BRD7: variants seen among roughly 807,000 people sequenced by gnomAD.
BRD7 encodes bromodomain containing 7.
In BRD7, 15 loss-of-function variants were observed where a neutral mutation model predicts 82.1. The observed-to-expected ratio is 0.18, with a 90% confidence interval of 0.12 to 0.28. The LOEUF is 0.28. Among genes scored for constraint, BRD7 ranks in the 10% least tolerant of loss-of-function variants. BRD7 has a pLI of 1.00. For missense variants in BRD7, 638 were observed against 779.9 expected (o/e 0.82, Z 2.17); for synonymous variants, 232 against 266.9 (o/e 0.87, Z 1.27).
At chr16:50,342,522 G>A (rs1008247672) in intron 5 of BRD7, among the ~76,000 whole-genome samples, 3 of 121,994 alleles carry the variant, frequency 2.5e-5, no homozygotes, top group East Asian at 2.8e-4. Flanking sequence ...CTGGGTTCAC[G>A]CCATTCTCCG....
intron 13 of BRD7, among the ~76,000 whole-genome samples, chr16:50,321,592 A>G (rs1257444655): frequency 6.9e-6 from 1 of 145,108 alleles, no homozygotes; most frequent in Admixed American, 7.1e-5. Flanking sequence ...AAAAAAAAAA[A>G]AAAGATGGAG....
intron 8 of BRD7, among the ~76,000 whole-genome samples, chr16:50,332,729 T>C (rs1234259429): frequency 6.6e-6 from 1 of 152,072 alleles, no homozygotes; most frequent in African/African-American, 2.4e-5. Context: ...AGAATCAACC[T>C]AGGTGCCCAC....
intron 12 of BRD7, among the ~76,000 whole-genome samples, chr16:50,322,780 TA>T (rs200735598): frequency 6.6e-6 from 1 of 152,196 alleles, no homozygotes; most frequent in South Asian, 2.1e-4. Flanking sequence ...GAGGATATGG[TA>T]AAAAAATATG....
intron 2 of BRD7, among the ~76,000 whole-genome samples, chr16:50,365,218 C>T (rs1039976137): frequency 6.6e-6 from 1 of 152,170 alleles, no homozygotes; most frequent in Non-Finnish European, 1.5e-5. Context: ...AGACCTTCAG[C>T]CCCTGCCCCA....
chr16:50,368,637 C>T, intron 1 of BRD7, 89 bp downstream of exon 1: 1 of 1,402,534 alleles, frequency 7.1e-7, no homozygotes, highest in East Asian at 3.0e-5. Flanking sequence ...GAAGGAAGGG[C>T]CCCGGGCCGC....
intron 5 of BRD7, among the ~76,000 whole-genome samples, chr16:50,345,964 A>G (rs558183605): frequency 7.2e-5 from 11 of 152,364 alleles, no homozygotes; most frequent in East Asian, 3.9e-4. Flanking sequence ...AACAGAATAT[A>G]CATTCTTCTC....
intron 2 of BRD7, among the ~76,000 whole-genome samples, chr16:50,357,085 T>C (rs933334504): frequency 6.6e-6 from 1 of 152,228 alleles, no homozygotes; most frequent in Non-Finnish European, 1.5e-5. Context: ...AAAATTCTTG[T>C]GGTTCGCAAG....
intron 5 of BRD7, among the ~76,000 whole-genome samples, chr16:50,344,664 T>C (rs772917783): frequency 3.9e-5 from 6 of 152,152 alleles, no homozygotes; most frequent in Non-Finnish European, 7.3e-5. Context: ...AGAAAGGGTA[T>C]CAATGATTGA....
intron 6 of BRD7, 76 bp from the exon 7 acceptor site, chr16:50,334,971 A>T (rs2037738230): frequency 7.3e-7 from 1 of 1,369,968 alleles, no homozygotes; most frequent in Non-Finnish European, 1.0e-6. Context: ...TCCCCACAGG[A>T]GTTTATACTT....
intron 2 of BRD7, among the ~76,000 whole-genome samples, chr16:50,355,895 T>C (rs1215344982): frequency 1.3e-5 from 2 of 152,170 alleles, no homozygotes; most frequent in Admixed American, 6.5e-5. Flanking sequence ...AATCTAACGA[T>C]AGACTGAGAT....
Position 50,317,894 on chromosome 16 carries a change from TAACAAACA to T in BRD7, c.*1309_*1316del, listed in dbSNP as rs77844678. ...TTTCTGGCTTATTGAGGAAATTTCC[TAACAAACA>T]AACAAACAAACAAACAGAAGAGAAG... On this transcript the variant is annotated 3_prime_UTR_variant, in exon 17 of 17. Transcript: ENST00000394688. 4.4e-3 allele frequency: 663 copies of T among 151,828 alleles called. 5 individuals are homozygous for T. The highest frequency in any genetic ancestry group is 6.5e-3 in the Non-Finnish European group (444 of 67,876). 9.4% of individuals were successfully genotyped at this position (151,828 alleles called of 1,614,324 possible). A position where few individuals can be genotyped will look rare whatever the true frequency, so the allele number is the denominator to read the frequency against.
intron 14 of BRD7, 66 bp from the exon 15 acceptor site, chr16:50,320,457 A>G: frequency 6.4e-7 from 1 of 1,570,466 alleles, no homozygotes. Context: ...CCTAGGCTCT[A>G]GGGCTTTGCT....
intron 6 of BRD7, among the ~76,000 whole-genome samples, chr16:50,337,770 C>T (rs192226479): frequency 1.8e-4 from 27 of 152,084 alleles, no homozygotes; most frequent in Non-Finnish European, 2.9e-4. Context: ...TAAATTTAAA[C>T]GTTTAAAAAT....
chr16:50,323,509 C>A, intron 12 of BRD7, 78 bp downstream of exon 12: 4 of 1,211,380 alleles, frequency 3.3e-6, no homozygotes, highest in Non-Finnish European at 4.8e-6. Flanking sequence ...TTGTTAATCC[C>A]ATGGTTTCAT....
intron 1 of BRD7, 164 bp from the exon 2 acceptor site, chr16:50,368,462 G>GCGC: frequency 1.1e-5 from 9 of 849,270 alleles, no homozygotes; most frequent in African/African-American, 1.7e-5. Context: ...GGGTGCGGCG[G>GCGC]CGCCGCCCGC....
intron 6 of BRD7, among the ~76,000 whole-genome samples, chr16:50,336,522 A>G (rs1180063522): frequency 1.3e-5 from 2 of 152,224 alleles, no homozygotes; most frequent in African/African-American, 4.8e-5. Context: ...AGATTGCGCC[A>G]CTGCACTCCA....
At chr16:50,350,223 T>G in intron 4 of BRD7, 56 bp from the exon 5 acceptor site, 3 of 1,360,492 alleles carry the variant, frequency 2.2e-6, no homozygotes, top group South Asian at 1.8e-5. Flanking sequence ...AACAAATCTA[T>G]TGGTCTAGGA....
chr16:50,320,597 T>G, intron 14 of BRD7, 66 bp downstream of exon 14: 1 of 1,430,416 alleles, frequency 7.0e-7, no homozygotes, highest in Non-Finnish European at 9.9e-7. Context: ...TCTGTACTTA[T>G]GAGACATGAA....
chr16:50,358,494 TCAAA>T (rs2038825360), intron 2 of BRD7, among the ~76,000 whole-genome samples: 1 of 70,968 alleles, frequency 1.4e-5, no homozygotes, highest in African/African-American at 3.5e-5. Flanking sequence ...AGATCCTGTC[TCAAA>T]AAAAAAAAAA....
Sources: gnomAD v4.1 joint callset for allele counts (sites outside exome capture counted in the v4.1 genomes callset) on GRCh38, gnomAD v4.1.1 for gene constraint, MANE v1.5 for transcripts, NCBI Gene and HGNC (gene_info 2026-07-23, HGNC 2026-07-21) for gene names.